Variants in ALK observed in about 807,000 individuals in gnomAD.
ALK encodes the protein ALK receptor tyrosine kinase, also known as ALK tyrosine kinase receptor.
A neutral mutation model predicts 163.1 loss-of-function variants in ALK; 74 were observed. The ratio of observed to expected loss-of-function variants is 0.45; its 90% confidence interval spans 0.38 to 0.55. ALK has a LOEUF of 0.55. ALK is among the 20% of genes least tolerant of loss of function. The probability of loss-of-function intolerance (pLI) is 0.00; values close to 1 mark genes in which losing one functional copy is unlikely to be tolerated. For synonymous variants in ALK, 960 were observed against 843.2 expected (o/e 1.14, Z -2.40); for missense variants, 2,063 against 2,105.3 (o/e 0.98, Z 0.39).
chr2:29,371,619 T>C (rs936559893), intron 5 of ALK, among the ~76,000 whole-genome samples: 1 of 152,226 alleles, frequency 6.6e-6, no homozygotes, highest in African/African-American at 2.4e-5. Flanking sequence ...TTTAGGCCAA[T>C]CACAGGAGAC....
At chr2:29,905,186 T>A (rs1420195471) in intron 1 of ALK, among the ~76,000 whole-genome samples, 1 of 152,246 alleles carries the variant, frequency 6.6e-6, no homozygotes, top group Non-Finnish European at 1.5e-5. Context: ...AAGGGTCATT[T>A]ACCACTTCTA....
chr2:29,423,743 G>A (rs940774463), intron 4 of ALK, among the ~76,000 whole-genome samples: 42 of 152,176 alleles, frequency 2.8e-4, no homozygotes, highest in Non-Finnish European at 4.9e-4. Flanking sequence ...TTAGGACACT[G>A]GGGGACCCTC....
chr2:29,529,169 G>A (rs757839550), intron 4 of ALK, among the ~76,000 whole-genome samples: 79 of 152,238 alleles, frequency 5.2e-4, no homozygotes, highest in Middle Eastern at 3.4e-3. Context: ...ACCTGCTCAC[G>A]ACACAGTGGT....
chr2:29,602,378 T>TA (rs1675403830), intron 3 of ALK, among the ~76,000 whole-genome samples: 1 of 152,202 alleles, frequency 6.6e-6, no homozygotes, highest in Non-Finnish European at 1.5e-5. Flanking sequence ...GTGAGCTTTT[T>TA]ATGAAATCCT....
chr2:29,567,659 C>T (rs530056920), intron 3 of ALK, among the ~76,000 whole-genome samples: 7 of 152,218 alleles, frequency 4.6e-5, no homozygotes, highest in Non-Finnish European at 7.3e-5. Context: ...ACAGACTCCC[C>T]GAAACCATTC....
intron 3 of ALK, 139 bp from the exon 4 acceptor site, chr2:29,532,255 C>A (rs1003070694): frequency 1.9e-5 from 15 of 803,914 alleles, no homozygotes; most frequent in Non-Finnish European, 2.9e-5. Flanking sequence ...ATGCACCCAG[C>A]CTTCTTCCTC....
chr2:29,830,267 C>T (rs1222045145), intron 1 of ALK, among the ~76,000 whole-genome samples: 14 of 152,150 alleles, frequency 9.2e-5, no homozygotes. Context: ...TTAATCATTG[C>T]AGGGGAAAAA....
intron 11 of ALK, among the ~76,000 whole-genome samples, chr2:29,255,781 T>C (rs1311375378): frequency 1.1e-4 from 16 of 152,194 alleles, no homozygotes; most frequent in African/African-American, 2.4e-5. Flanking sequence ...CCACCAGAGC[T>C]GTGGGTACCT....
At chr2:29,637,171 A>G (rs1167057931) in intron 3 of ALK, among the ~76,000 whole-genome samples, 1 of 152,218 alleles carries the variant, frequency 6.6e-6, no homozygotes, top group East Asian at 1.9e-4. Context: ...ATGGTCCCAA[A>G]CTAGAAACCA....
intron 1 of ALK, among the ~76,000 whole-genome samples, chr2:29,865,967 GC>G (rs1200748661): frequency 2.6e-5 from 4 of 152,172 alleles, no homozygotes; most frequent in African/African-American, 4.8e-5. Flanking sequence ...GGGGATAGGG[GC>G]AGTATGTTAT....
intron 1 of ALK, among the ~76,000 whole-genome samples, chr2:29,908,530 T>C (rs1433940064): frequency 6.6e-6 from 1 of 152,254 alleles, no homozygotes; most frequent in African/African-American, 2.4e-5. Flanking sequence ...TACTCACTTC[T>C]ATCTCAGTCT....
intron 4 of ALK, among the ~76,000 whole-genome samples, chr2:29,451,586 C>A: frequency 6.6e-6 from 1 of 152,206 alleles, no homozygotes; most frequent in Non-Finnish European, 1.5e-5. Context: ...TTCCTCCTCT[C>A]AACCCAAAAG....
chr2:29,223,748 GA>G (rs1663821907), intron 19 of ALK: 1 of 594,886 alleles, frequency 1.7e-6, no homozygotes, highest in South Asian at 2.0e-5. Context: ...CAGATATATG[GA>G]AAATAATTAT....
intron 3 of ALK, among the ~76,000 whole-genome samples, chr2:29,646,975 G>A (rs1453036049): frequency 6.6e-6 from 1 of 152,168 alleles, no homozygotes; most frequent in Non-Finnish European, 1.5e-5. Flanking sequence ...GTATAAACCA[G>A]TTCCTTGCAC....
chr2:29,913,037 C>T (rs913649966), intron 1 of ALK, among the ~76,000 whole-genome samples: 6 of 152,106 alleles, frequency 3.9e-5, no homozygotes, highest in African/African-American at 1.4e-4. Context: ...AACTTCATAC[C>T]TTTTTCATAC....
intron 5 of ALK, among the ~76,000 whole-genome samples, chr2:29,372,069 A>G (rs375160160): frequency 6.6e-6 from 1 of 152,234 alleles, no homozygotes; most frequent in South Asian, 2.1e-4. Flanking sequence ...CTCCACTCCA[A>G]TCTTTTGGTA....
intron 5 of ALK, among the ~76,000 whole-genome samples, chr2:29,352,734 G>A (rs910950553): frequency 6.6e-5 from 10 of 152,246 alleles, no homozygotes; most frequent in Admixed American, 1.3e-4. Flanking sequence ...ACAAGATAGA[G>A]GCTGTGGGGT....
chr2:29,649,246 G>A (rs576003572), intron 3 of ALK, among the ~76,000 whole-genome samples: 17 of 151,630 alleles, frequency 1.1e-4, no homozygotes, highest in Admixed American at 1.1e-3. Context: ...GAGAGAGAAA[G>A]TGCGTGCGTG....
At chr2:29,207,699 T>C (rs1669349117) in intron 25 of ALK, among the ~76,000 whole-genome samples, 1 of 152,262 alleles carries the variant, frequency 6.6e-6, no homozygotes, top group Non-Finnish European at 1.5e-5. Flanking sequence ...TTGGATCCTC[T>C]GACACTCACA....
Sources: gnomAD v4.1 joint callset for allele counts (sites outside exome capture counted in the v4.1 genomes callset) on GRCh38, gnomAD v4.1.1 for gene constraint, MANE v1.5 for transcripts, NCBI Gene and HGNC (gene_info 2026-07-23, HGNC 2026-07-21) for gene names.